Variants in ASAP1 observed in about 807,000 individuals in gnomAD.
ASAP1 encodes the protein ArfGAP with SH3 domain, ankyrin repeat and PH domain 1.
ASAP1 carries 43 observed loss-of-function variants against 145.2 expected under a neutral mutation model. The ratio of observed to expected loss-of-function variants is 0.30; its 90% CI spans 0.23 to 0.38. The LOEUF is 0.38. Among genes scored for constraint, ASAP1 ranks in the 10% least tolerant of loss-of-function variants. ASAP1 has a pLI of 1.00. For synonymous variants in ASAP1, 546 were observed against 515.5 expected, an observed-to-expected ratio of 1.06 and a Z score of -0.80; for missense variants, 1,018 against 1,355.3, an observed-to-expected ratio of 0.75 and a Z score of 3.91.
chr8:130,352,415 G>A (rs761701934), intron 3 of ASAP1, among the ~76,000 whole-genome samples: 16 of 152,098 alleles, frequency 1.1e-4, no homozygotes, highest in African/African-American at 3.9e-4. Context: ...AATCCTATGC[G>A]TAAGATTTCA....
chr8:130,389,777 T>G (rs1828188795), intron 2 of ASAP1, among the ~76,000 whole-genome samples: 1 of 152,180 alleles, frequency 6.6e-6, no homozygotes, highest in African/African-American at 2.4e-5. Context: ...CACGGCTCAC[T>G]GCGGCCTCAA....
chr8:130,186,877 T>A (rs1305158274), intron 7 of ASAP1, among the ~76,000 whole-genome samples: 1 of 152,230 alleles, frequency 6.6e-6, no homozygotes, highest in Non-Finnish European at 1.5e-5. Context: ...TTACTTCTAT[T>A]ATTTCCCAAT....
intron 1 of ASAP1, among the ~76,000 whole-genome samples, chr8:130,408,698 T>A (rs1443810177): frequency 3.3e-5 from 5 of 152,172 alleles, no homozygotes; most frequent in Admixed American, 1.3e-4. Flanking sequence ...TCAGACCCCA[T>A]CCTAGGCACA....
At chr8:130,185,844 T>A (rs927095942) in intron 7 of ASAP1, among the ~76,000 whole-genome samples, 1 of 151,950 alleles carries the variant, frequency 6.6e-6, no homozygotes, top group Non-Finnish European at 1.5e-5. Context: ...GAATGCTTTA[T>A]ATTCTAAGTC....
chr8:130,395,670 T>C (rs1401798401), intron 2 of ASAP1, among the ~76,000 whole-genome samples: 1 of 125,198 alleles, frequency 8.0e-6, no homozygotes, highest in East Asian at 2.3e-4. Flanking sequence ...AGACAATACA[T>C]TTCTTTTTTT....
chr8:130,438,640 T>A (rs916385682), intron 1 of ASAP1, among the ~76,000 whole-genome samples: 2 of 152,130 alleles, frequency 1.3e-5, no homozygotes, highest in Non-Finnish European at 2.9e-5. Context: ...AATTTAATTT[T>A]TTTCAAGAGG....
At chr8:130,167,444 T>C in intron 11 of ASAP1, 92 bp downstream of exon 11, 1 of 982,732 alleles carries the variant, frequency 1.0e-6, no homozygotes, top group Non-Finnish European at 1.7e-6. Context: ...TATATATCAC[T>C]GTGCCTGTCT....
chr8:130,355,327 G>A (rs1381776218), intron 3 of ASAP1, among the ~76,000 whole-genome samples: 1 of 152,190 alleles, frequency 6.6e-6, no homozygotes, highest in Non-Finnish European at 1.5e-5. Flanking sequence ...TCCAATCTTG[G>A]AGATCTAACA....
chr8:130,315,288 A>C (rs1221024082), intron 3 of ASAP1, among the ~76,000 whole-genome samples: 3 of 152,190 alleles, frequency 2.0e-5, no homozygotes, highest in Non-Finnish European at 4.4e-5. Flanking sequence ...TACTCCACAA[A>C]CTGGTACATT....
intron 2 of ASAP1, among the ~76,000 whole-genome samples, chr8:130,379,729 G>A (rs760362586): frequency 1.1e-4 from 16 of 152,180 alleles, no homozygotes; most frequent in Admixed American, 8.5e-4. Context: ...GATGCTGGAC[G>A]CTGCCTGTGC....
chr8:130,310,085 ATTTC>A (rs1461978296), intron 3 of ASAP1, among the ~76,000 whole-genome samples: 2 of 114,162 alleles, frequency 1.8e-5, no homozygotes, highest in Non-Finnish European at 3.2e-5. Flanking sequence ...CTTGCCTATG[ATTTC>A]TTTGTCTCAG....
intron 3 of ASAP1, among the ~76,000 whole-genome samples, chr8:130,345,699 T>C (rs1462574630): frequency 6.6e-6 from 1 of 152,172 alleles, no homozygotes; most frequent in Non-Finnish European, 1.5e-5. Context: ...AGGTGGCTCA[T>C]GCCTATAATC....
At chr8:130,403,812 C>G (rs748026605) in intron 1 of ASAP1, among the ~76,000 whole-genome samples, 3 of 152,056 alleles carry the variant, frequency 2.0e-5, no homozygotes, top group Non-Finnish European at 4.4e-5. Context: ...CCTTGGCCTC[C>G]CAAAGTGCTG....
At chr8:130,390,421 T>C (rs1267743834) in intron 2 of ASAP1, among the ~76,000 whole-genome samples, 2 of 152,226 alleles carry the variant, frequency 1.3e-5, no homozygotes, top group Non-Finnish European at 2.9e-5. Flanking sequence ...ATGTGTTTTA[T>C]ACTAAGGCAC....
At chr8:130,082,421 T>G (rs2097482657) in intron 25 of ASAP1, among the ~76,000 whole-genome samples, 1 of 151,842 alleles carries the variant, frequency 6.6e-6, no homozygotes, top group African/African-American at 2.4e-5. Context: ...AGGCTGGTCT[T>G]GGACTCCTGA....
At chr8:130,115,107 G>A (rs797008310) in intron 23 of ASAP1, among the ~76,000 whole-genome samples, 13 of 152,258 alleles carry the variant, frequency 8.5e-5, no homozygotes, top group African/African-American at 3.1e-4. Flanking sequence ...CTGGTGTTTG[G>A]TCAAATACTA....
chr8:130,102,113 C>T (rs2097529802), intron 24 of ASAP1, among the ~76,000 whole-genome samples: 1 of 152,120 alleles, frequency 6.6e-6, no homozygotes, highest in Admixed American at 6.5e-5. Flanking sequence ...ACTGCTCTGG[C>T]TAGGACTACT....
Position 130,116,872 on chromosome 8 carries a change from A to C in ASAP1, c.1996+8T>G. 6.2e-7 allele frequency: 1 copy of C among 1,608,936 alleles called. No homozygotes were observed. Among genetic ancestry groups the C allele is most frequent in the Non-Finnish European group, 8.5e-7 (1 of 1,175,754 alleles). ...CTACAGTCATGAAGACACTAGACAC[A>C]CTCTTACCTATATCCACAGTGGGCT... On this transcript the variant is annotated splice_region_variant and intron_variant, in intron 21 of 29. Coordinates refer to ENST00000518721, the MANE Select transcript of ASAP1 (RefSeq NM_018482.4).
intron 3 of ASAP1, among the ~76,000 whole-genome samples, chr8:130,336,770 T>C (rs1016292145): frequency 2.0e-5 from 3 of 152,216 alleles, no homozygotes; most frequent in African/African-American, 7.2e-5. Flanking sequence ...CCTATTTGCA[T>C]TGTCTCTAAA....
Sources: gnomAD v4.1 joint callset for allele counts (sites outside exome capture counted in the v4.1 genomes callset) on GRCh38, gnomAD v4.1.1 for gene constraint, MANE v1.5 for transcripts, NCBI Gene and HGNC (gene_info 2026-07-23, HGNC 2026-07-21) for gene names.